RUNX1: variants seen among roughly 807,000 people sequenced by gnomAD.
RUNX1 encodes RUNX family transcription factor 1.
RUNX1 carries 19 observed loss-of-function variants against 42.8 expected under a neutral mutation model. The ratio of observed to expected loss-of-function variants is 0.44; its 90% confidence interval spans 0.31 to 0.65. RUNX1 has a LOEUF of 0.65. Among genes scored for constraint, RUNX1 ranks in the 30% least tolerant of loss-of-function variants. The pLI, the probability that RUNX1 is intolerant of heterozygous loss-of-function variation, is 0.07. For missense variants in RUNX1, 528 were observed against 672.0 expected, an observed-to-expected ratio of 0.79 and a Z score of 2.37; for synonymous variants, 271 against 289.4, an observed-to-expected ratio of 0.94 and a Z score of 0.64.
intron 6 of RUNX1, among the ~76,000 whole-genome samples, chr21:34,837,956 CAG>C (rs1405770482): frequency 2.0e-5 from 3 of 151,904 alleles, no homozygotes; most frequent in African/African-American, 7.3e-5. Context: ...ATTATGTATG[CAG>C]AGTCATAAAA....
intron 2 of RUNX1, among the ~76,000 whole-genome samples, chr21:35,042,042 C>T (rs768155624): frequency 1.3e-5 from 2 of 152,178 alleles, no homozygotes; most frequent in Non-Finnish European, 2.9e-5. Context: ...ACCGATCAAC[C>T]TCACAGCAAG....
At chr21:35,009,399 G>A (rs779535562) in intron 2 of RUNX1, among the ~76,000 whole-genome samples, 5 of 152,180 alleles carry the variant, frequency 3.3e-5, no homozygotes, top group African/African-American at 4.8e-5. Flanking sequence ...CACCGAGTGA[G>A]TGTTGTTCAC....
At chr21:34,928,471 A>T (rs1379330326) in intron 2 of RUNX1, among the ~76,000 whole-genome samples, 1 of 152,134 alleles carries the variant, frequency 6.6e-6, no homozygotes, top group African/African-American at 2.4e-5. Flanking sequence ...AGGTGGATGG[A>T]TCACTTTAAG....
chr21:34,865,307 T>A (rs1462952391), intron 5 of RUNX1, among the ~76,000 whole-genome samples: 1 of 145,702 alleles, frequency 6.9e-6, no homozygotes, highest in African/African-American at 2.8e-5. Flanking sequence ...TGTGTGTGTG[T>A]GTGTGTGTGT....
At chr21:35,020,891 C>T (rs1433798049) in intron 2 of RUNX1, among the ~76,000 whole-genome samples, 1 of 152,182 alleles carries the variant, frequency 6.6e-6, no homozygotes, top group Non-Finnish European at 1.5e-5. Flanking sequence ...AACGTTCTGA[C>T]CTAAGTCCTT....
At chr21:34,978,532 C>T (rs559691052) in intron 2 of RUNX1, among the ~76,000 whole-genome samples, 2 of 152,174 alleles carry the variant, frequency 1.3e-5, no homozygotes, top group East Asian at 3.9e-4. Context: ...CTATTTTTAC[C>T]AGTATAACAA....
rs139075986 is a variant in RUNX1 at position 34,901,099 on chromosome 21, C to T, written c.59-8136G>A. ...ATCCATCCTCATCAGAAGAAATAAC[C>T]AAGGAGCGGGAATGTGGGGAGAGGT... On this transcript the variant is annotated intron_variant, in intron 2 of 8. Transcript: ENST00000675419. The surrounding 1 kb of genome is among the most constrained non-coding windows in gnomAD (Gnocchi z 4.3). 1.3e-5 allele frequency among the ~76,000 whole-genome samples: 2 copies of T among 152,190 alleles called. No individual in the cohort carries two copies. The highest frequency in any genetic ancestry group is 4.8e-5 in the African/African-American group (2 of 41,504).
At chr21:34,807,606 C>T (rs2056697560) in intron 7 of RUNX1, among the ~76,000 whole-genome samples, 1 of 152,122 alleles carries the variant, frequency 6.6e-6, no homozygotes, top group Non-Finnish European at 1.5e-5. Context: ...AGGGACGTTC[C>T]CAGGGTTCCC....
chr21:35,037,048 G>A (rs531380984), intron 2 of RUNX1, among the ~76,000 whole-genome samples: 2 of 152,268 alleles, frequency 1.3e-5, no homozygotes, highest in Non-Finnish European at 2.9e-5. Flanking sequence ...AAAATTCAAG[G>A]TGGTGCGCTC....
intron 2 of RUNX1, among the ~76,000 whole-genome samples, chr21:34,927,073 G>A (rs959306325): frequency 6.6e-6 from 1 of 152,014 alleles, no homozygotes; most frequent in African/African-American, 2.4e-5. Flanking sequence ...GAGTTGCTCC[G>A]CCAGCAGTAG....
intron 2 of RUNX1, among the ~76,000 whole-genome samples, chr21:34,913,586 G>C (rs927375403): frequency 6.6e-6 from 1 of 152,178 alleles, no homozygotes; most frequent in African/African-American, 2.4e-5. Context: ...ACTAATTTCA[G>C]TTGAGACAGG....
At chr21:34,910,623 T>C (rs972575692) in intron 2 of RUNX1, among the ~76,000 whole-genome samples, 1 of 152,158 alleles carries the variant, frequency 6.6e-6, no homozygotes, top group Non-Finnish European at 1.5e-5. Flanking sequence ...CTTCAGATGC[T>C]GGACAGGGTC....
chr21:34,936,652 C>G (rs762429691), intron 2 of RUNX1, among the ~76,000 whole-genome samples: 1 of 152,186 alleles, frequency 6.6e-6, no homozygotes, highest in South Asian at 2.1e-4. Flanking sequence ...AAAGTCTCAG[C>G]ATGGCAAGAA....
At chr21:34,828,823 T>G (rs369913000) in intron 7 of RUNX1, among the ~76,000 whole-genome samples, 1 of 152,258 alleles carries the variant, frequency 6.6e-6, no homozygotes, top group East Asian at 1.9e-4. Flanking sequence ...TCTCAGCAGA[T>G]GATGGCACCT....
intron 2 of RUNX1, among the ~76,000 whole-genome samples, chr21:34,996,384 T>A (rs2058996020): frequency 2.0e-5 from 3 of 151,934 alleles, no homozygotes; most frequent in Admixed American, 1.3e-4. Flanking sequence ...GGTCAGAGGC[T>A]GGGAACTGGG....
In RUNX1 at chr21:34,924,926, A is replaced by C. The variant is rs188377190; in HGVS notation, c.59-31963T>G. Among the ~76,000 whole-genome samples, 92 of 151,622 alleles carry C rather than the reference A, an allele frequency of 6.1e-4. 1 individual carries two copies. Among genetic ancestry groups the C allele is most frequent in the Non-Finnish European group, 1.9e-4 (13 of 68,006 alleles). On this transcript the variant is annotated intron_variant, in intron 2 of 8. Transcript: ENST00000675419. ...TGTGAGAGAGAGGAGGCAAGCTCTCATGTCTCTTGTTATAAGGGCACTAAT... is the reference window on the plus strand; with the variant it reads ...TGTGAGAGAGAGGAGGCAAGCTCTCCTGTCTCTTGTTATAAGGGCACTAAT...
intron 2 of RUNX1, among the ~76,000 whole-genome samples, chr21:35,046,670 G>C (rs2059398298): frequency 6.6e-6 from 1 of 152,162 alleles, no homozygotes; most frequent in Non-Finnish European, 1.5e-5. Context: ...GAATGATGTG[G>C]ACAGTTAACC....
chr21:34,974,405 A>T (rs2058785328), intron 2 of RUNX1, among the ~76,000 whole-genome samples: 1 of 152,162 alleles, frequency 6.6e-6, no homozygotes, highest in Non-Finnish European at 1.5e-5. Context: ...CGTGAAAAAA[A>T]AAAAAAGGTG....
intron 7 of RUNX1, among the ~76,000 whole-genome samples, chr21:34,818,602 C>T (rs913367190): frequency 8.5e-5 from 13 of 152,164 alleles, no homozygotes; most frequent in Non-Finnish European, 1.9e-4. Context: ...CCTCCAGTAC[C>T]GGAGCCAGCT....
Sources: allele counts gnomAD v4.1 joint callset (sites outside exome capture counted in the v4.1 genomes callset), GRCh38; gene constraint gnomAD v4.1.1; non-coding constraint Gnocchi (gnomAD v3.1); transcripts MANE v1.5; gene names NCBI Gene and HGNC (gene_info 2026-07-23, HGNC 2026-07-21).